Variants in CYTH1 observed in about 807,000 individuals in gnomAD.
CYTH1 encodes cytohesin 1.
A neutral mutation model predicts 61.8 loss-of-function variants in CYTH1; 18 were observed. That is an observed-to-expected ratio of 0.29 (90% CI 0.20 to 0.43). The LOEUF is 0.43. Ranked by LOEUF, CYTH1 falls within the 20% of genes least tolerant of loss-of-function variation. CYTH1 has a pLI of 1.00. For synonymous variants in CYTH1, 174 were observed against 184.3 expected (o/e 0.94, Z 0.45); for missense variants, 336 against 510.5 (o/e 0.66, Z 3.29).
At chr17:78,714,580 T>C (rs1171962833) in intron 1 of CYTH1, among the ~76,000 whole-genome samples, 2 of 152,126 alleles carry the variant, frequency 1.3e-5, no homozygotes, top group East Asian at 3.9e-4. Flanking sequence ...CGAAGCCAAC[T>C]TTCTCATGAG....
intron 10 of CYTH1, among the ~76,000 whole-genome samples, chr17:78,695,434 C>T (rs1426145700): frequency 4.6e-5 from 7 of 152,146 alleles, no homozygotes; most frequent in Non-Finnish European, 1.0e-4. Context: ...ACCATTTCCC[C>T]TTTTCGTGCA....
chr17:78,683,585 G>A (rs889705697), intron 11 of CYTH1, among the ~76,000 whole-genome samples: 1 of 152,186 alleles, frequency 6.6e-6, no homozygotes, highest in African/African-American at 2.4e-5. Context: ...GGGGGTGGGA[G>A]AAGTCCTCAG....
At chr17:78,723,137 G>C (rs1364758192) in intron 1 of CYTH1, 1 of 152,592 alleles carries the variant, frequency 6.6e-6, no homozygotes, top group Non-Finnish European at 1.5e-5. Context: ...CTGCTGGGTG[G>C]GAGAGGCAGG....
chr17:78,696,089 A>C, intron 9 of CYTH1, 80 bp from the exon 10 acceptor site: 1 of 1,362,484 alleles, frequency 7.3e-7, no homozygotes, highest in South Asian at 1.1e-5. Context: ...TAAAACAAAG[A>C]AATTAAACCC....
At position 78,675,681 on chromosome 17, in the gene CYTH1, C is replaced by T. The variant is rs960609094; in HGVS notation, c.*410G>A. On this transcript the variant is annotated 3_prime_UTR_variant, in exon 14 of 14. Coordinates refer to ENST00000446868, the MANE Select transcript of CYTH1 (RefSeq NM_004762.6). ...AGTATGTGGCTTCTCTTCCTTTCCA[C>T]CTTTTTCTCTTAACATATAATAATA... 12 of 416,786 alleles carry T rather than the reference C, an allele frequency of 2.9e-5. No homozygotes were observed. The highest frequency in any genetic ancestry group is 4.1e-5 in the African/African-American group (2 of 48,858). The allele number at this position is 416,786 out of a possible 1,614,324, so 25.8% of individuals were successfully genotyped here. A position where few individuals can be genotyped will look rare whatever the true frequency, so the allele number is the denominator to read the frequency against.
At chr17:78,738,089 C>T (rs141449814) in intron 1 of CYTH1, among the ~76,000 whole-genome samples, 220 of 152,160 alleles carry the variant, frequency 1.4e-3, no homozygotes, top group African/African-American at 5.1e-3. Flanking sequence ...GCACACGTTT[C>T]GGCACATCTC....
intron 1 of CYTH1, among the ~76,000 whole-genome samples, chr17:78,765,632 C>T (rs960656692): frequency 6.6e-6 from 1 of 152,064 alleles, no homozygotes; most frequent in Admixed American, 6.6e-5. Context: ...ATTTTATTGT[C>T]AGTTTGCTGT....
At chr17:78,677,651 T>C (rs1355670544) in intron 13 of CYTH1, 1 of 152,406 alleles carries the variant, frequency 6.6e-6, no homozygotes, top group African/African-American at 2.4e-5. Context: ...AACCGAATGC[T>C]GGGACCACCC....
chr17:78,758,494 C>T lies in CYTH1; in HGVS notation c.22+23708G>A, dbSNP rs182842949. Among the ~76,000 whole-genome samples, 467 of 152,316 alleles carry T rather than the reference C, an allele frequency of 3.1e-3. 2 individuals carry two copies. The highest frequency in any genetic ancestry group is 5.4e-3 in the Non-Finnish European group (369 of 68,026). On this transcript the variant is annotated intron_variant, in intron 1 of 13. Transcript: ENST00000446868. ...CCGAGGCAGGCAGATCACCCGAGGTCAGGAGTTCGAGACCAGCCTGACAAA... is the reference window on the plus strand; with the variant it reads ...CCGAGGCAGGCAGATCACCCGAGGTTAGGAGTTCGAGACCAGCCTGACAAA...
At position 78,674,907 on chromosome 17, in the gene CYTH1, G is replaced by C. The variant is rs950470363; in HGVS notation, c.*1184C>G. ...CGCCTGCAGGGGAAGACAGAGATGC[G>C]AGAGGCAGCCCGGCCACCCCCCTCA... is the stretch of plus-strand genomic sequence containing the variant. On this transcript the variant is annotated 3_prime_UTR_variant, in exon 14 of 14. Transcript: ENST00000446868. The C allele has an allele frequency of 1.3e-5, 2 of 153,398 alleles. No homozygotes were observed. Among genetic ancestry groups the C allele is most frequent in the Admixed American group, 6.5e-5 (1 of 15,298 alleles). The allele number at this position is 153,398 out of a possible 1,614,324, so 9.5% of individuals were successfully genotyped here. A position where few individuals can be genotyped will look rare whatever the true frequency, so the allele number is the denominator to read the frequency against.
intron 10 of CYTH1, among the ~76,000 whole-genome samples, chr17:78,694,559 C>T (rs953499561): frequency 6.6e-5 from 10 of 152,344 alleles, no homozygotes; most frequent in African/African-American, 2.2e-4. Flanking sequence ...ACCCCCTCCA[C>T]CAATTCAGAG....
At chr17:78,722,886 A>G (rs2093240848) in intron 1 of CYTH1, among the ~76,000 whole-genome samples, 1 of 152,132 alleles carries the variant, frequency 6.6e-6, no homozygotes, top group African/African-American at 2.4e-5. Flanking sequence ...CCTAGAGGGG[A>G]GATCACCCTG....
At chr17:78,704,524 T>C (rs903307206) in intron 3 of CYTH1, among the ~76,000 whole-genome samples, 2 of 152,148 alleles carry the variant, frequency 1.3e-5, no homozygotes, top group Non-Finnish European at 1.5e-5. Context: ...GTTTTTTGTG[T>C]TTTTGTTTTT....
chr17:78,676,638 C>T (rs1215162229), intron 13 of CYTH1: 3 of 282,302 alleles, frequency 1.1e-5, no homozygotes, highest in Non-Finnish European at 1.4e-5. Context: ...CCCACGTGCA[C>T]CTGCTCAGTA....
chr17:78,696,809 A>G (rs960139465), intron 9 of CYTH1: 1 of 152,222 alleles, frequency 6.6e-6, no homozygotes, highest in African/African-American at 2.4e-5. Flanking sequence ...TAGTATTAGC[A>G]TTTAAACAAA....
intron 1 of CYTH1, among the ~76,000 whole-genome samples, chr17:78,732,044 C>T (rs991945294): frequency 3.3e-5 from 5 of 152,160 alleles, no homozygotes; most frequent in Admixed American, 6.6e-5. Context: ...TGGATGAAAA[C>T]GGGAATCTCT....
At chr17:78,736,550 G>T in intron 1 of CYTH1, 1 of 195,400 alleles carries the variant, frequency 5.1e-6, no homozygotes, top group South Asian at 6.7e-5. Context: ...CAGAGTCTAG[G>T]TTGGTCCTTA....
intron 6 of CYTH1, 44 bp downstream of exon 6, chr17:78,701,627 A>G: frequency 6.4e-7 from 1 of 1,567,280 alleles, no homozygotes; most frequent in Non-Finnish European, 8.8e-7. Flanking sequence ...ATCAAAGGCT[A>G]GCCTCCCACT....
chr17:78,708,386 A>G, intron 2 of CYTH1, 125 bp from the exon 3 acceptor site: 1 of 863,660 alleles, frequency 1.2e-6, no homozygotes, highest in Non-Finnish European at 1.8e-6. Flanking sequence ...AAATATGACA[A>G]AAATGCAAAA....
Sources: allele counts gnomAD v4.1 joint callset (sites outside exome capture counted in the v4.1 genomes callset), GRCh38; gene constraint gnomAD v4.1.1; transcripts MANE v1.5; gene names NCBI Gene and HGNC (gene_info 2026-07-23, HGNC 2026-07-21).